Variants in ABL1 observed in about 807,000 individuals in gnomAD.
ABL1 encodes the protein ABL proto-oncogene 1, non-receptor tyrosine kinase, also known as tyrosine-protein kinase ABL1.
Under a neutral mutation model 94.7 loss-of-function variants are expected in ABL1, and 11 were observed. That is an observed-to-expected ratio of 0.12 (90% CI 0.07 to 0.19). ABL1 has a LOEUF of 0.19. Ranked by LOEUF, ABL1 falls within the 10% of genes least tolerant of loss-of-function variation. The pLI is 1.00. For synonymous variants in ABL1, 656 were observed against 622.4 expected (o/e 1.05, Z -0.80); for missense variants, 1,082 against 1,489.4 (o/e 0.73, Z 4.50).
upstream of ABL1, chr9:130,834,011 G>A (rs1439991529): frequency 4.4e-6 from 2 of 455,878 alleles, no homozygotes; most frequent in East Asian, 6.9e-5. Context: ...TCCACTGGTC[G>A]GGAGCCTGAT....
chr9:130,718,558 T>C (rs1301044987), intron 1 of ABL1, among the ~76,000 whole-genome samples: 1 of 152,142 alleles, frequency 6.6e-6, no homozygotes, highest in African/African-American at 2.4e-5. Flanking sequence ...CTTCGGTTAT[T>C]TTTCAAGAGT....
At chr9:130,784,020 G>A (rs1262417315) in intron 1 of ABL1, among the ~76,000 whole-genome samples, 5 of 152,046 alleles carry the variant, frequency 3.3e-5, no homozygotes, top group South Asian at 2.1e-4. Flanking sequence ...AAGAAAAGAC[G>A]CTTGATAAAC....
intron 1 of ABL1, among the ~76,000 whole-genome samples, chr9:130,812,179 C>T (rs1477476446): frequency 7.0e-6 from 1 of 142,034 alleles, no homozygotes; most frequent in Non-Finnish European, 1.5e-5. Flanking sequence ...GCTTTGGAAG[C>T]CAAGTGAGAC....
chr9:130,780,052 G>A (rs189462828), intron 1 of ABL1, among the ~76,000 whole-genome samples: 105 of 152,260 alleles, frequency 6.9e-4, no homozygotes, highest in African/African-American at 2.3e-3. Flanking sequence ...TTGGGAGGCC[G>A]AGGTGGCTGG....
At chr9:130,713,164 G>A (rs1279155291) in exon 1 of ABL1, among the ~76,000 whole-genome samples, 1 of 152,214 alleles carries the variant, frequency 6.6e-6, no homozygotes, top group Non-Finnish European at 1.5e-5. Context: ...CCGGCGGGGG[G>A]CGGCTGGGTC....
chr9:130,885,575 G>C lies in ABL1; in HGVS notation c.3285G>C (p.Arg1095=). Reference sequence around the variant, plus strand: ...TCAACAAACTGGAGAATAATCTCCGGGAGCTTCAGATCTGCCCGGCGACAG... The same window carrying C: ...TCAACAAACTGGAGAATAATCTCCGCGAGCTTCAGATCTGCCCGGCGACAG... ...EAINKLENNL[R]ELQICPATAG... is the part of the protein sequence containing the mutation. The change falls in exon 11 of 11, where the codon CGG becomes CGC. Residue 1095 remains arginine (R), a synonymous_variant. Transcript: ENST00000318560. 2 of 1,613,962 alleles carry C rather than the reference G, an allele frequency of 1.2e-6. No homozygotes were observed. Among genetic ancestry groups the C allele is most frequent in the African/African-American group, 2.7e-5 (2 of 75,074 alleles).
intron 1 of ABL1, among the ~76,000 whole-genome samples, chr9:130,793,113 A>T (rs1363254243): frequency 1.3e-5 from 2 of 151,958 alleles, no homozygotes; most frequent in Non-Finnish European, 1.5e-5. Flanking sequence ...TTTAGTAGAG[A>T]CGGGGTTTCA....
intron 1 of ABL1, among the ~76,000 whole-genome samples, chr9:130,768,118 G>C (rs1167261089): frequency 1.3e-5 from 2 of 152,178 alleles, no homozygotes; most frequent in Non-Finnish European, 2.9e-5. Context: ...GCATCACCCA[G>C]ATGGGAGAGC....
intron 1 of ABL1, among the ~76,000 whole-genome samples, chr9:130,731,477 G>A (rs1338097007): frequency 6.6e-6 from 1 of 152,048 alleles, no homozygotes; most frequent in Non-Finnish European, 1.5e-5. Flanking sequence ...AGTTGGCCTG[G>A]AATTGTTTTT....
intron 1 of ABL1, among the ~76,000 whole-genome samples, chr9:130,727,495 G>A (rs948410811): frequency 5.3e-5 from 8 of 151,984 alleles, no homozygotes; most frequent in Admixed American, 2.6e-4. Flanking sequence ...GGGCGTGGTG[G>A]CACACGCCTG....
At chr9:130,882,220 C>T (rs773004033) in intron 10 of ABL1, among the ~76,000 whole-genome samples, 2 of 152,068 alleles carry the variant, frequency 1.3e-5, no homozygotes, top group Admixed American at 6.5e-5. Context: ...CATTTACGCC[C>T]GTCAGTTTCA....
chr9:130,717,097 T>C (rs1371120485), intron 1 of ABL1, among the ~76,000 whole-genome samples: 1 of 151,576 alleles, frequency 6.6e-6, no homozygotes, highest in African/African-American at 2.4e-5. Flanking sequence ...GGCTGGAGTG[T>C]AGTGGCATGA....
At chr9:130,760,916 A>C (rs1832104248) in intron 1 of ABL1, among the ~76,000 whole-genome samples, 1 of 142,820 alleles carries the variant, frequency 7.0e-6, no homozygotes, top group South Asian at 2.2e-4. Context: ...CAGCCCCCGC[A>C]AAGTGCTATT....
chr9:130,825,602 CA>C (rs1830415334), intron 1 of ABL1, among the ~76,000 whole-genome samples: 1 of 152,148 alleles, frequency 6.6e-6, no homozygotes, highest in African/African-American at 2.4e-5. Flanking sequence ...AAAGCTGTAA[CA>C]TTGCTATTTT....
rs146675511 is a variant in ABL1, at chr9:130,817,162, A to G, written c.137-36902A>G. Among the ~76,000 whole-genome samples, 1,304 of 152,392 alleles carry G rather than the reference A, an allele frequency of 8.6e-3. 9 individuals carry two copies. Among genetic ancestry groups the G allele is most frequent in the Middle Eastern group, 0.041 (12 of 294 alleles). ...AATGCATTTAAGATCTGTAAAAAGT[A>G]AAGTAGAGGTTCCTCTTCAAAGACT... is the stretch of plus-strand genomic sequence containing the variant. On this transcript the variant is annotated intron_variant, in intron 1 of 10. Coordinates refer to the ABL1 transcript ENST00000372348.
rs758209901 is a variant in ABL1, at chr9:130,885,078, G to A, written c.2788G>A (p.Ala930Thr). 7 of 1,609,564 alleles carry A rather than the reference G, an allele frequency of 4.3e-6. No individual in the cohort carries two copies. Among genetic ancestry groups the A allele is most frequent in the South Asian group, 2.2e-5 (2 of 90,854 alleles). ...QEAAGEAVLG[A>T]KTKATSLVDA... ...GGCGGCCGGGGAGGCAGTCCTGGGCGCAAAGACAAAAGCCACGAGTCTGGT... is the reference window on the plus strand; with the variant it reads ...GGCGGCCGGGGAGGCAGTCCTGGGCACAAAGACAAAAGCCACGAGTCTGGT... Residue 930 changes from alanine to threonine, a missense_variant, in exon 11 of 11, where the codon GCA (alanine) becomes ACA (threonine). By Grantham distance (58) the Ala-to-Thr change is moderately conservative. Coordinates refer to ENST00000318560, the MANE Select transcript of ABL1 (RefSeq NM_005157.6).
Position 130,886,676 on chromosome 9 carries a change from C to A in ABL1, c.*993C>A, listed in dbSNP as rs556595473. The A allele has an allele frequency of 1.8e-4, 41 of 233,770 alleles. No individual in the cohort carries two copies. The South Asian group carries it at 6.1e-3, about 35-fold the overall frequency. The allele number at this position is 233,770 out of a possible 1,614,324, so 14.5% of individuals were successfully genotyped here. On this transcript the variant is annotated 3_prime_UTR_variant, in exon 11 of 11. Coordinates refer to ENST00000318560, the MANE Select transcript of ABL1 (RefSeq NM_005157.6). Reference sequence around the variant, plus strand: ...CCCTGAAAGGGCCCTTCCCCTCCCCCACTCCTCTAAGACAAAGTAGATTCT... The same window carrying A: ...CCCTGAAAGGGCCCTTCCCCTCCCCAACTCCTCTAAGACAAAGTAGATTCT...
intron 1 of ABL1, among the ~76,000 whole-genome samples, chr9:130,826,935 G>A (rs895913092): frequency 4.5e-4 from 69 of 152,258 alleles, no homozygotes; most frequent in Non-Finnish European, 4.4e-5. Context: ...AAAATTAGCC[G>A]GGCGTGGTGG....
intron 3 of ABL1, among the ~76,000 whole-genome samples, chr9:130,857,413 C>G (rs976251136): frequency 3.9e-5 from 6 of 152,338 alleles, no homozygotes; most frequent in East Asian, 1.9e-4. Flanking sequence ...TGTTGAATAT[C>G]CATGTGGCAT....
Sources: gnomAD v4.1 joint callset for allele counts (sites outside exome capture counted in the v4.1 genomes callset) on GRCh38, gnomAD v4.1.1 for gene constraint, MANE v1.5 for transcripts, NCBI Gene and HGNC (gene_info 2026-07-23, HGNC 2026-07-21) for gene names.